EYS: variants seen among roughly 807,000 people sequenced by gnomAD.
EYS encodes the protein protein eyes shut homolog.
Under a neutral mutation model 282.1 loss-of-function variants are expected in EYS, and 250 were observed. That is an observed-to-expected ratio of 0.89 (90% CI 0.80 to 0.98). The LOEUF (loss-of-function observed/expected upper bound fraction) is 0.98, where lower values mean the gene tolerates loss of function less well. EYS is among the 50% of genes least tolerant of loss of function. EYS has a pLI of 0.00. For missense variants in EYS, 4,016 were observed against 3,709.0 expected, an observed-to-expected ratio of 1.08 and a Z score of -2.15; for synonymous variants, 1,355 against 1,282.9, an observed-to-expected ratio of 1.06 and a Z score of -1.20.
chr6:64,371,158 A>G (rs929778083), intron 29 of EYS, among the ~76,000 whole-genome samples: 2 of 152,096 alleles, frequency 1.3e-5, no homozygotes, highest in Non-Finnish European at 2.9e-5. Flanking sequence ...GTTTAGTGCT[A>G]TAAGTTTCCC....
At chr6:64,482,550 T>G (rs1776465203) in intron 26 of EYS, among the ~76,000 whole-genome samples, 1 of 151,738 alleles carries the variant, frequency 6.6e-6, no homozygotes, top group East Asian at 1.9e-4. Flanking sequence ...AGTTTCTATC[T>G]CACAGATTTT....
At chr6:65,082,586 G>T (rs2150172321) in intron 12 of EYS, among the ~76,000 whole-genome samples, 1 of 152,136 alleles carries the variant, frequency 6.6e-6, no homozygotes, top group Non-Finnish European at 1.5e-5. Flanking sequence ...GGGAAATTAA[G>T]TATTAAGGCA....
chr6:65,514,288 G>C (rs1486723844), intron 2 of EYS, among the ~76,000 whole-genome samples: 11 of 152,128 alleles, frequency 7.2e-5, no homozygotes, highest in Admixed American at 7.2e-4. Context: ...TGAAATAAAA[G>C]AGGATACAAA....
intron 12 of EYS, among the ~76,000 whole-genome samples, chr6:65,171,112 T>A (rs901223012): frequency 6.6e-6 from 1 of 151,548 alleles, no homozygotes; most frequent in Non-Finnish European, 1.5e-5. Flanking sequence ...GTACTAATTA[T>A]CTGTTACTTG....
At chr6:65,678,215 G>T (rs949357830) in intron 1 of EYS, among the ~76,000 whole-genome samples, 1 of 151,906 alleles carries the variant, frequency 6.6e-6, no homozygotes, top group African/African-American at 2.4e-5. Context: ...ACTCATTATT[G>T]CAATAATGGC....
At chr6:65,528,339 C>T (rs2127305284) in intron 2 of EYS, among the ~76,000 whole-genome samples, 1 of 152,202 alleles carries the variant, frequency 6.6e-6, no homozygotes, top group African/African-American at 2.4e-5. Context: ...GATAAGCAGA[C>T]AAAATGTATT....
intron 2 of EYS, among the ~76,000 whole-genome samples, chr6:65,569,120 T>C (rs528721378): frequency 4.6e-5 from 7 of 152,186 alleles, no homozygotes; most frequent in African/African-American, 1.4e-4. Flanking sequence ...GAAGTGAAAA[T>C]GTATTGTTCC....
At chr6:64,262,933 A>G (rs922535547) in intron 30 of EYS, among the ~76,000 whole-genome samples, 1 of 152,012 alleles carries the variant, frequency 6.6e-6, no homozygotes, top group Non-Finnish European at 1.5e-5. Context: ...GGAAAAAGGG[A>G]GCAACATTAT....
intron 2 of EYS, among the ~76,000 whole-genome samples, chr6:65,519,637 A>G (rs1409985667): frequency 7.1e-6 from 1 of 141,442 alleles, no homozygotes; most frequent in East Asian, 2.1e-4. Context: ...ATTCATTGTT[A>G]TAATATGCTT....
At chr6:64,490,498 T>G (rs1776704714) in intron 26 of EYS, among the ~76,000 whole-genome samples, 1 of 150,814 alleles carries the variant, frequency 6.6e-6, no homozygotes, top group Non-Finnish European at 1.5e-5. Flanking sequence ...GTCCAAATAT[T>G]TATGCTTTTA....
rs192259349 is a variant in EYS at position 64,901,789 on chromosome 6, C to T, written c.2846+324G>A. On this transcript the variant is annotated intron_variant, in intron 18 of 42. Coordinates refer to ENST00000503581, the MANE Select transcript of EYS (RefSeq NM_001142800.2). ...AATGAGCAACAGATACATGCATCAA[C>T]AGGAATTACAAAATATTATGTTCAA... Among the ~76,000 whole-genome samples the T allele has an allele frequency of 3.0e-3, 450 of 152,084 alleles. 2 individuals are homozygous for T. Among genetic ancestry groups the T allele is most frequent in the South Asian group, 4.2e-3 (20 of 4,810 alleles).
chr6:64,671,285 G>C (rs9452326), intron 22 of EYS, among the ~76,000 whole-genome samples: 2 of 151,954 alleles, frequency 1.3e-5, no homozygotes, highest in Admixed American at 1.3e-4. Context: ...GGTCAGGAAG[G>C]TGGAGCCCTC....
intron 26 of EYS, among the ~76,000 whole-genome samples, chr6:64,453,246 A>G (rs1775426961): frequency 6.6e-6 from 1 of 152,176 alleles, no homozygotes; most frequent in Non-Finnish European, 1.5e-5. Flanking sequence ...GCCAAAATAC[A>G]CATGAAAAAA....
chr6:65,608,017 C>A (rs1370499026), intron 2 of EYS, among the ~76,000 whole-genome samples: 2 of 151,784 alleles, frequency 1.3e-5, no homozygotes, highest in African/African-American at 4.8e-5. Flanking sequence ...CTTAAAAATT[C>A]TTGATTTTGT....
At chr6:63,802,002 G>C (rs1201113837) in intron 37 of EYS, among the ~76,000 whole-genome samples, 1 of 152,100 alleles carries the variant, frequency 6.6e-6, no homozygotes, top group Non-Finnish European at 1.5e-5. Context: ...CCAATATGTA[G>C]GTTAAAGATC....
chr6:64,603,655 A>G (rs1196523947), intron 24 of EYS, among the ~76,000 whole-genome samples: 1 of 152,032 alleles, frequency 6.6e-6, no homozygotes, highest in Non-Finnish European at 1.5e-5. Context: ...GTAGTTTTCT[A>G]TATGTGATAG....
At chr6:64,322,217 T>A (rs1166358774) in intron 29 of EYS, among the ~76,000 whole-genome samples, 1 of 152,036 alleles carries the variant, frequency 6.6e-6, no homozygotes, top group African/African-American at 2.4e-5. Flanking sequence ...CCCCAAGCTG[T>A]CTGCTCAGAA....
intron 26 of EYS, among the ~76,000 whole-genome samples, chr6:64,563,335 G>T (rs1256039162): frequency 2.0e-5 from 3 of 150,662 alleles, no homozygotes; most frequent in Non-Finnish European, 4.4e-5. Context: ...TTTCTTTTTT[G>T]AAGCAGATGA....
chr6:64,277,985 G>C (rs1223763064), intron 30 of EYS, among the ~76,000 whole-genome samples: 1 of 152,074 alleles, frequency 6.6e-6, no homozygotes, highest in Non-Finnish European at 1.5e-5. Context: ...ATTGAAATTT[G>C]ACTTGAAAAT....
Sources: gnomAD v4.1 joint callset for allele counts (sites outside exome capture counted in the v4.1 genomes callset) on GRCh38, gnomAD v4.1.1 for gene constraint, MANE v1.5 for transcripts, NCBI Gene and HGNC (gene_info 2026-07-23, HGNC 2026-07-21) for gene names.